HAPSTR1: variants seen among roughly 807,000 people sequenced by gnomAD.
HAPSTR1 encodes HUWE1 associated protein modifying stress responses.
chr16:9,118,257 C>T, the HAPSTR1 span: 1 of 152,530 alleles, frequency 6.6e-6, no homozygotes, highest in African/African-American at 2.4e-5. Context: ...AAAAATGTTT[C>T]CTTGCAAACT....
the HAPSTR1 span, among the ~76,000 whole-genome samples, chr16:9,097,423 G>C: frequency 6.6e-6 from 1 of 151,516 alleles, no homozygotes; most frequent in African/African-American, 2.4e-5. Flanking sequence ...TTGTATTTTT[G>C]GTAGAGATGA....
the HAPSTR1 span, chr16:9,116,645 A>G: frequency 6.2e-7 from 1 of 1,606,104 alleles, no homozygotes; most frequent in East Asian, 2.2e-5. Flanking sequence ...GAGCAACTCT[A>G]AAACCTTTTT....
chr16:9,096,813 A>G, the HAPSTR1 span, among the ~76,000 whole-genome samples: 2 of 152,164 alleles, frequency 1.3e-5, no homozygotes, highest in African/African-American at 2.4e-5. Context: ...GCTTGGGGCA[A>G]TATAGTGAGA....
At chr16:9,113,371 C>T in the HAPSTR1 span, among the ~76,000 whole-genome samples, 2 of 152,168 alleles carry the variant, frequency 1.3e-5, no homozygotes, top group Non-Finnish European at 1.5e-5. Flanking sequence ...TTCCCAGAAG[C>T]TGTTAGAATT....
the HAPSTR1 span, chr16:9,103,771 C>G: frequency 6.5e-6 from 1 of 154,930 alleles, no homozygotes. Context: ...CCCTCAGGTC[C>G]CTTGCACTTT....
chr16:9,116,236 T>C, the HAPSTR1 span, among the ~76,000 whole-genome samples: 1 of 152,146 alleles, frequency 6.6e-6, no homozygotes, highest in African/African-American at 2.4e-5. Flanking sequence ...GATTTCTGGC[T>C]CTCCTGAATA....
At chr16:9,099,634 G>C in the HAPSTR1 span, among the ~76,000 whole-genome samples, 6 of 152,278 alleles carry the variant, frequency 3.9e-5, no homozygotes, top group Non-Finnish European at 7.3e-5. Flanking sequence ...AAATAGTGTT[G>C]GACGCAAGAC....
the HAPSTR1 span, chr16:9,120,398 C>G: frequency 2.8e-3 from 424 of 152,362 alleles, 1 homozygote; most frequent in Non-Finnish European, 4.2e-3. Context: ...ACGAGCAGGC[C>G]CGAGCACCCA....
the HAPSTR1 span, chr16:9,104,114 C>CT: frequency 0.016 from 2,161 of 136,702 alleles, 28 homozygotes; most frequent in African/African-American, 0.034. Context: ...TCCTTTTTTT[C>CT]TTTTTTTTTT....
chr16:9,097,858 A>G, the HAPSTR1 span, among the ~76,000 whole-genome samples: 2 of 152,216 alleles, frequency 1.3e-5, no homozygotes, highest in Non-Finnish European at 2.9e-5. Flanking sequence ...ACCCACAACC[A>G]TTAATAGGGG....
the HAPSTR1 span, chr16:9,106,541 G>GC: frequency 6.6e-6 from 1 of 151,850 alleles, no homozygotes; most frequent in African/African-American, 2.4e-5. Flanking sequence ...CTCACTGCTT[G>GC]CCCCTAAGTG....
At chr16:9,102,306 T>A in the HAPSTR1 span, among the ~76,000 whole-genome samples, 7 of 152,196 alleles carry the variant, frequency 4.6e-5, no homozygotes, top group Admixed American at 4.6e-4. Context: ...TCAAATTTTT[T>A]TTCAACTAAA....
the HAPSTR1 span, chr16:9,103,896 C>G: frequency 1.3e-5 from 2 of 152,396 alleles, no homozygotes; most frequent in African/African-American, 2.4e-5. Context: ...GCTGGAGAAA[C>G]CCGGGAAATG....
At chr16:9,092,870 G>A in the HAPSTR1 span, 2 of 1,465,436 alleles carry the variant, frequency 1.4e-6, no homozygotes, top group Middle Eastern at 2.1e-4. Context: ...CTCTTTCTAT[G>A]TGTGTTTCTT....
the HAPSTR1 span, among the ~76,000 whole-genome samples, chr16:9,097,517 G>A: frequency 1.3e-5 from 2 of 152,222 alleles, no homozygotes; most frequent in Admixed American, 1.3e-4. Flanking sequence ...GATTATAACT[G>A]TGAGCCACCA....
the HAPSTR1 span, chr16:9,110,175 T>G: frequency 6.8e-6 from 1 of 146,342 alleles, no homozygotes; most frequent in Non-Finnish European, 1.5e-5. Flanking sequence ...TTTTTTTTTT[T>G]GCCCAACTGA....
chr16:9,094,269 G>A, the HAPSTR1 span, among the ~76,000 whole-genome samples: 2 of 152,178 alleles, frequency 1.3e-5, no homozygotes, highest in Non-Finnish European at 2.9e-5. Context: ...TGGTTAAATA[G>A]TGCCTCAGTG....
chr16:9,098,506 C>G, the HAPSTR1 span, among the ~76,000 whole-genome samples: 1 of 152,148 alleles, frequency 6.6e-6, no homozygotes, highest in African/African-American at 2.4e-5. Context: ...TTGTTACATT[C>G]CTAAAGAAAC....
At chr16:9,095,646 AT>A in the HAPSTR1 span, among the ~76,000 whole-genome samples, 2 of 152,106 alleles carry the variant, frequency 1.3e-5, no homozygotes, top group Admixed American at 1.3e-4. Flanking sequence ...CAGGATTGAG[AT>A]TAAAAACCCA....
Sources: gnomAD v4.1 joint callset for allele counts (sites outside exome capture counted in the v4.1 genomes callset) on GRCh38, gnomAD v4.1.1 for gene constraint, MANE v1.5 for transcripts, NCBI Gene and HGNC (gene_info 2026-07-23, HGNC 2026-07-21) for gene names.